The following CUBN variants were observed in gnomAD, a reference collection of about 807,000 sequenced individuals.
The protein encoded by CUBN is 460 kDa receptor.
Under a neutral mutation model 405.3 loss-of-function variants are expected in CUBN, and 282 were observed. The ratio of observed to expected loss-of-function variants is 0.70; its 90% CI spans 0.63 to 0.77. The LOEUF is 0.77. CUBN is among the 30% of genes least tolerant of loss of function. The pLI is 0.00. For synonymous variants in CUBN, 1,684 were observed against 1,617.0 expected (o/e 1.04, Z -0.99); for missense variants, 4,514 against 4,475.2 (o/e 1.01, Z -0.25).
chr10:16,990,588 A>C, intron 28 of CUBN, 73 bp from the exon 29 acceptor site: 2 of 1,346,294 alleles, frequency 1.5e-6, no homozygotes, highest in South Asian at 1.2e-5. Flanking sequence ...AATTCAACTC[A>C]CCGAAAGGCC....
intron 28 of CUBN, among the ~76,000 whole-genome samples, chr10:16,998,764 G>A (rs1197253489): frequency 6.6e-6 from 1 of 152,168 alleles, no homozygotes; most frequent in Non-Finnish European, 1.5e-5. Context: ...GGTTGGTCAA[G>A]GGTAAGATTT....
At chr10:16,901,276 G>A (rs1377770658) in intron 52 of CUBN, 62 bp downstream of exon 52, 2 of 1,610,006 alleles carry the variant, frequency 1.2e-6, no homozygotes, top group South Asian at 1.1e-5. Context: ...CCATTTTCAT[G>A]CAGGACAGGC....
intron 58 of CUBN, among the ~76,000 whole-genome samples, chr10:16,873,776 T>C (rs111709583): frequency 6.6e-6 from 1 of 151,442 alleles, no homozygotes; most frequent in East Asian, 1.9e-4. Flanking sequence ...AGAGACAGTA[T>C]TGGGAAACAT....
rs116557865 is a variant in CUBN at position 17,029,464 on chromosome 10, A to T, written c.4018-9481T>A. Reference sequence around the variant, plus strand: ...CACTACAAAGCATCTGGCTTCGCTAACTAATGGATATACTTCATTCTAAAC... The same window carrying T: ...CACTACAAAGCATCTGGCTTCGCTATCTAATGGATATACTTCATTCTAAAC... On this transcript the variant is annotated intron_variant, in intron 27 of 66. Coordinates refer to ENST00000377833, the MANE Select transcript of CUBN (RefSeq NM_001081.4). Among the ~76,000 whole-genome samples, 1,459 of 152,382 alleles carry T rather than the reference A, an allele frequency of 9.6e-3. 20 individuals are homozygous for T. Among genetic ancestry groups the T allele is most frequent in the African/African-American group, 0.032 (1,314 of 41,580 alleles).
At chr10:17,040,974 C>A in intron 27 of CUBN, 59 bp downstream of exon 27, 1 of 1,516,900 alleles carries the variant, frequency 6.6e-7, no homozygotes, top group South Asian at 1.1e-5. Flanking sequence ...TGGATTCTAA[C>A]TTGACACATC....
At position 16,938,987 on chromosome 10, in the gene CUBN, T is replaced by C. The variant is rs1305422200; in HGVS notation, c.5709A>G (p.Gln1903=). Residue 1903 remains glutamine, a synonymous_variant, in exon 38 of 67, where the codon CAA becomes CAG. Coordinates refer to ENST00000377833, the MANE Select transcript of CUBN (RefSeq NM_001081.4). Reference sequence around the variant, plus strand: ...CCCTTAATTTGTCATAATAGCAGTTTTGTATTTCTTCTATGTCCATCTCCA... The same window carrying C: ...CCCTTAATTTGTCATAATAGCAGTTCTGTATTTCTTCTATGTCCATCTCCA... ...RILEMDIEEI[Q]NCYYDKLRIY... The C allele has an allele frequency of 3.7e-6, 6 of 1,613,654 alleles. No individual in the cohort carries two copies. In the Admixed American group the frequency reaches 1.0e-4, roughly 27 times the overall value.
chr10:16,993,682 A>G (rs1041264714), intron 28 of CUBN, among the ~76,000 whole-genome samples: 3 of 140,946 alleles, frequency 2.1e-5, no homozygotes, highest in Non-Finnish European at 4.6e-5. Context: ...TTTTTTTTTT[A>G]GTAGAGATGG....
At chr10:17,003,465 T>G (rs1199510726) in intron 28 of CUBN, among the ~76,000 whole-genome samples, 2 of 152,212 alleles carry the variant, frequency 1.3e-5, no homozygotes, top group Non-Finnish European at 2.9e-5. Context: ...TGTGAATTTT[T>G]TCACCACGTG....
chr10:17,022,616 G>A (rs1834528551), intron 27 of CUBN, among the ~76,000 whole-genome samples: 1 of 152,136 alleles, frequency 6.6e-6, no homozygotes, highest in South Asian at 2.1e-4. Flanking sequence ...GAAACCGGAG[G>A]GCGAGAGGCC....
chr10:16,838,190 C>A (rs1215621595), intron 62 of CUBN, among the ~76,000 whole-genome samples: 1 of 152,220 alleles, frequency 6.6e-6, no homozygotes, highest in African/African-American at 2.4e-5. Context: ...GCTGCCAGCA[C>A]ATCTCACGCC....
chr10:17,111,622 T>C (rs1338579914), intron 8 of CUBN, among the ~76,000 whole-genome samples: 1 of 152,144 alleles, frequency 6.6e-6, no homozygotes, highest in Non-Finnish European at 1.5e-5. Flanking sequence ...TGTATATACA[T>C]TAATTAAAAT....
chr10:16,830,512 T>C (rs1302729293), intron 65 of CUBN, among the ~76,000 whole-genome samples: 2 of 152,206 alleles, frequency 1.3e-5, no homozygotes, highest in East Asian at 1.9e-4. Context: ...GAGAAGATAC[T>C]TACTACCCTA....
chr10:17,125,006 A>G (rs1270171514), intron 4 of CUBN, among the ~76,000 whole-genome samples: 2 of 151,440 alleles, frequency 1.3e-5, no homozygotes, highest in Non-Finnish European at 2.9e-5. Flanking sequence ...TAATTTTCCT[A>G]TTTTTAGTAG....
chr10:16,906,389 T>G lies in CUBN; in HGVS notation c.7726A>C (p.Asn2576His), dbSNP rs766866061. The G allele has an allele frequency of 3.7e-6, 6 of 1,613,692 alleles. No homozygotes were observed. Among genetic ancestry groups the G allele is most frequent in the Non-Finnish European group, 4.2e-6 (5 of 1,179,674 alleles). ...GAAGTAAAGTTTCCTTCAGGAGTAT[T>G]TGGAAGAGACCCACCACACACTAAG... is the stretch of plus-strand genomic sequence containing the variant. Reference protein sequence around the residue: ...EDAVCGGSLPNTPEGNFTSPG... With the variant: ...EDAVCGGSLPHTPEGNFTSPG... Residue 2576 changes from asparagine to histidine, a missense_variant, in exon 50 of 67, where the codon AAT becomes CAT. By Grantham distance (68) the Asn-to-His change is moderately conservative (BLOSUM62 1). Transcript: ENST00000377833.
intron 30 of CUBN, among the ~76,000 whole-genome samples, chr10:16,983,072 T>G (rs1310872526): frequency 2.6e-5 from 4 of 152,150 alleles, no homozygotes; most frequent in African/African-American, 9.7e-5. Context: ...CTTTAAAAAT[T>G]TAATATTCGG....
chr10:16,970,744 T>C (rs1214325933), intron 31 of CUBN, among the ~76,000 whole-genome samples: 1 of 152,204 alleles, frequency 6.6e-6, no homozygotes, highest in East Asian at 1.9e-4. Flanking sequence ...TTAGTGCTGA[T>C]CCTGCTGTTA....
At chr10:16,869,557 T>TGGGGGGGG (rs59702069) in intron 59 of CUBN, 79 bp downstream of exon 59, 4 of 632,028 alleles carry the variant, frequency 6.3e-6, no homozygotes, top group Admixed American at 3.0e-5. Context: ...CAGGTGGGGG[T>TGGGGGGGG]GGGGGGGGGG....
chr10:16,948,539 G>A lies in CUBN; in HGVS notation c.5148C>T (p.Phe1716=), dbSNP rs370581324. ...CAGCACTGATGCTAGAATCAGAGAC[G>A]AATCTCAGCGTCAGGGCGCTGCTGA... The part of the protein sequence containing the change: ...TSFSSALTLR[F]VSDSSISAGG... Residue 1716 remains phenylalanine (F), a synonymous_variant, in exon 35 of 67, where the codon TTC becomes TTT. Coordinates refer to ENST00000377833, the MANE Select transcript of CUBN (RefSeq NM_001081.4). 1.4e-4 allele frequency: 225 copies of A among 1,614,084 alleles called. No homozygotes were observed. In the East Asian group the frequency reaches 3.0e-3, roughly 22 times the overall value.
intron 28 of CUBN, among the ~76,000 whole-genome samples, chr10:17,001,201 CA>C (rs1833868923): frequency 6.6e-6 from 1 of 152,160 alleles, no homozygotes; most frequent in Non-Finnish European, 1.5e-5. Context: ...TGTTACAGCT[CA>C]TAAACGTAGT....
Sources: allele counts gnomAD v4.1 joint callset (sites outside exome capture counted in the v4.1 genomes callset), GRCh38; gene constraint gnomAD v4.1.1; transcripts MANE v1.5; gene names NCBI Gene and HGNC (gene_info 2026-07-23, HGNC 2026-07-21).